DNAH11: variants seen among roughly 807,000 people sequenced by gnomAD.
DNAH11 encodes dynein axonemal heavy chain 11, also known as axonemal beta dynein heavy chain 11.
Under a neutral mutation model 526.0 loss-of-function variants are expected in DNAH11, and 442 were observed. That is an observed-to-expected ratio of 0.84 (90% CI 0.78 to 0.91). DNAH11 has a LOEUF of 0.91. Ranked by LOEUF, DNAH11 falls within the 40% of genes least tolerant of loss-of-function variation. The pLI is 0.00. For synonymous variants in DNAH11, 2,461 were observed against 1,935.9 expected (o/e 1.27, Z -7.12); for missense variants, 6,989 against 5,448.7 (o/e 1.28, Z -8.90).
intron 57 of DNAH11, 76 bp from the exon 58 acceptor site, chr7:21,784,351 G>A: frequency 8.9e-7 from 1 of 1,117,398 alleles, no homozygotes; most frequent in Non-Finnish European, 1.3e-6. Flanking sequence ...GTGCATCTGA[G>A]TCAACCTCCA....
At chr7:21,825,959 C>CAAA (rs56255077) in intron 65 of DNAH11, among the ~76,000 whole-genome samples, 17 of 68,296 alleles carry the variant, frequency 2.5e-4, no homozygotes, top group African/African-American at 7.9e-4. Flanking sequence ...ACTCTGTCTC[C>CAAA]AAAAAAAAAA....
At chr7:21,710,532 C>G (rs770300394) in intron 40 of DNAH11, 21 bp from the exon 41 acceptor site, 2 of 1,568,734 alleles carry the variant, frequency 1.3e-6, no homozygotes, top group South Asian at 1.2e-5. Flanking sequence ...ATAAACAGCA[C>G]TCAACTACAT....
chr7:21,705,100 A>G (rs188364140), intron 38 of DNAH11, among the ~76,000 whole-genome samples: 2 of 152,336 alleles, frequency 1.3e-5, no homozygotes, highest in Admixed American at 1.3e-4. Flanking sequence ...AACACTATAT[A>G]CATTATCCAT....
chr7:21,785,049 G>C (rs1788114076), intron 58 of DNAH11, among the ~76,000 whole-genome samples: 1 of 152,162 alleles, frequency 6.6e-6, no homozygotes, highest in South Asian at 2.1e-4. Context: ...TCTTATAAGA[G>C]AAAGTAAGCT....
At chr7:21,674,628 C>T (rs370890308) in intron 30 of DNAH11, among the ~76,000 whole-genome samples, 12 of 152,168 alleles carry the variant, frequency 7.9e-5, no homozygotes, top group East Asian at 1.9e-4. Flanking sequence ...CACGATCTTT[C>T]TTTTTCCTTC....
intron 63 of DNAH11, among the ~76,000 whole-genome samples, chr7:21,814,131 T>C (rs1406229096): frequency 6.6e-6 from 1 of 152,050 alleles, no homozygotes; most frequent in African/African-American, 2.4e-5. Context: ...TCTAAATCTA[T>C]CCAAATATAG....
At chr7:21,862,867 A>G (rs570557735) in intron 69 of DNAH11, among the ~76,000 whole-genome samples, 2 of 152,242 alleles carry the variant, frequency 1.3e-5, no homozygotes, top group South Asian at 2.1e-4. Context: ...GATTGAGACC[A>G]TCCTGGCTAA....
At position 21,545,150 on chromosome 7, in the gene DNAH11, G is replaced by C. The variant is rs377623604; in HGVS notation, c.495+1G>C. 2 of 1,606,242 alleles carry C rather than the reference G, an allele frequency of 1.2e-6. No individual in the cohort carries two copies. The highest frequency in any genetic ancestry group is 1.7e-5 in the Admixed American group (1 of 59,098). On this transcript the variant is annotated splice_donor_variant, in intron 2 of 81. Coordinates refer to ENST00000409508, the MANE Select transcript of DNAH11 (RefSeq NM_001277115.2). LOFTEE classifies it high-confidence loss of function. Reference sequence around the variant, plus strand: ...ACATGTATCTGCTTTCCTTGATGAGGTACTGGTCTGTCTTTAATATTTAAA... The same window carrying C: ...ACATGTATCTGCTTTCCTTGATGAGCTACTGGTCTGTCTTTAATATTTAAA...
intron 56 of DNAH11, among the ~76,000 whole-genome samples, chr7:21,776,192 T>A (rs1787665913): frequency 1.3e-5 from 2 of 152,166 alleles, no homozygotes; most frequent in South Asian, 4.1e-4. Context: ...TCCCCTTAGC[T>A]AAGAACCACA....
At position 21,658,859 on chromosome 7, in the gene DNAH11, C is replaced by G; in HGVS notation, c.5156C>G (p.Thr1719Arg). The change falls in exon 30 of 82, where the codon ACA becomes AGA. Residue 1719 changes from threonine (T) to arginine (R), a missense_variant. Physicochemically the swap from Thr to Arg is moderately conservative, Grantham distance 71. Transcript: ENST00000409508. ...TMQETVRHSI[T>R]EAIVAYEEKP... The stretch of plus-strand genomic sequence containing the variant: ...CAAGAAACGGTGCGTCATTCTATAA[C>G]AGAAGCCATAGTGGCCTACGAGGAA... 6.2e-7 allele frequency: 1 copy of G among 1,606,484 alleles called. No individual in the cohort carries two copies. Among genetic ancestry groups the G allele is most frequent in the Non-Finnish European group, 8.5e-7 (1 of 1,176,554 alleles).
At chr7:21,836,240 G>C (rs1291230384) in intron 65 of DNAH11, among the ~76,000 whole-genome samples, 1 of 152,012 alleles carries the variant, frequency 6.6e-6, no homozygotes, top group Non-Finnish European at 1.5e-5. Flanking sequence ...CACAGAAATA[G>C]ATAAAACCAT....
intron 65 of DNAH11, among the ~76,000 whole-genome samples, chr7:21,841,641 A>G (rs1782207652): frequency 6.6e-6 from 1 of 152,192 alleles, no homozygotes; most frequent in Non-Finnish European, 1.5e-5. Context: ...ATGGGATGAC[A>G]TCCTGTCCAG....
At chr7:21,894,279 A>AT (rs1784429179) in intron 77 of DNAH11, among the ~76,000 whole-genome samples, 1 of 152,240 alleles carries the variant, frequency 6.6e-6, no homozygotes, top group Non-Finnish European at 1.5e-5. Flanking sequence ...TCCTCTGATC[A>AT]TATCTTTACA....
chr7:21,594,499 G>A (rs1033465192), intron 14 of DNAH11, among the ~76,000 whole-genome samples: 3 of 152,238 alleles, frequency 2.0e-5, no homozygotes, highest in East Asian at 3.9e-4. Flanking sequence ...ACTGGTACGC[G>A]CTGCAGGAAA....
rs67536067 is a variant in DNAH11, at chr7:21,744,814, A to C, written c.8317-56A>C. ...TCCCTTGCTAGGCCATGCTGCCTGC[A>C]GCTGGACCTCTATGGATGGTTGACA... On this transcript the variant is annotated intron_variant, in intron 50 of 81. Transcript: ENST00000409508. 84,376 of 1,550,760 alleles carry C rather than the reference A, an allele frequency of 0.054. 3,453 individuals are homozygous for C. Among genetic ancestry groups the C allele is most frequent in the East Asian group, 0.26 (11,090 of 42,400 alleles).
chr7:21,862,711 C>G (rs374672617), intron 69 of DNAH11, among the ~76,000 whole-genome samples: 117 of 152,266 alleles, frequency 7.7e-4, no homozygotes, highest in African/African-American at 2.5e-3. Flanking sequence ...GTTTCTTACC[C>G]ACACCTTCAG....
At chr7:21,564,924 A>C (rs1783601881) in intron 6 of DNAH11, among the ~76,000 whole-genome samples, 1 of 152,180 alleles carries the variant, frequency 6.6e-6, no homozygotes, top group African/African-American at 2.4e-5. Flanking sequence ...TAAAAAAAGG[A>C]CCACCTTCCT....
chr7:21,675,884 G>T (rs1402728552), intron 30 of DNAH11, among the ~76,000 whole-genome samples: 1 of 145,098 alleles, frequency 6.9e-6, no homozygotes, highest in South Asian at 2.1e-4. Context: ...TAAATAGATA[G>T]GGGGTAATAG....
chr7:21,647,499 G>A (rs1016826754), intron 28 of DNAH11, among the ~76,000 whole-genome samples: 8 of 140,970 alleles, frequency 5.7e-5, no homozygotes, highest in Non-Finnish European at 9.0e-5. Flanking sequence ...GCCTGATCTC[G>A]GCTCACTGCA....
Sources: gnomAD v4.1 joint callset for allele counts (sites outside exome capture counted in the v4.1 genomes callset) on GRCh38, gnomAD v4.1.1 for gene constraint, MANE v1.5 for transcripts, NCBI Gene and HGNC (gene_info 2026-07-23, HGNC 2026-07-21) for gene names.